CEP112: variants seen among roughly 807,000 people sequenced by gnomAD.
The protein encoded by CEP112 is centrosomal protein of 112 kDa.
A neutral mutation model predicts 153.0 loss-of-function variants in CEP112; 127 were observed. The ratio of observed to expected loss-of-function variants is 0.83; its 90% CI spans 0.72 to 0.96. The LOEUF (loss-of-function observed/expected upper bound fraction) is 0.96, where lower values mean the gene tolerates loss of function less well. Ranked by LOEUF, CEP112 falls within the 40% of genes least tolerant of loss-of-function variation. The pLI, the probability that CEP112 is intolerant of heterozygous loss-of-function variation, is 0.00. For synonymous variants in CEP112, 358 were observed against 374.4 expected, an observed-to-expected ratio of 0.96 and a Z score of 0.51; for missense variants, 1,089 against 1,101.2, an observed-to-expected ratio of 0.99 and a Z score of 0.16.
intron 8 of CEP112, among the ~76,000 whole-genome samples, chr17:66,073,927 C>CA (rs2067390289): frequency 6.6e-6 from 1 of 150,760 alleles, no homozygotes; most frequent in Non-Finnish European, 1.5e-5. Flanking sequence ...AAAGATGCAC[C>CA]AAAAAAATAA....
intron 18 of CEP112, among the ~76,000 whole-genome samples, chr17:65,960,918 G>A (rs1431756423): frequency 2.6e-5 from 4 of 151,596 alleles, no homozygotes; most frequent in African/African-American, 7.3e-5. Flanking sequence ...TATAAACCAC[G>A]TTAACAATTA....
chr17:66,145,121 T>A (rs1456595774), intron 4 of CEP112, among the ~76,000 whole-genome samples: 1 of 152,242 alleles, frequency 6.6e-6, no homozygotes, highest in Non-Finnish European at 1.5e-5. Flanking sequence ...CTGTGCTTTA[T>A]AATTTGCATT....
chr17:65,717,349 C>CACAAAA (rs1371388702), intron 23 of CEP112, among the ~76,000 whole-genome samples: 2 of 152,168 alleles, frequency 1.3e-5, no homozygotes, highest in Non-Finnish European at 2.9e-5. Context: ...ATCTCACAAA[C>CACAAAA]ACAAAAACAA....
At chr17:65,756,720 G>A (rs1005870317) in intron 21 of CEP112, among the ~76,000 whole-genome samples, 2 of 152,156 alleles carry the variant, frequency 1.3e-5, no homozygotes, top group Admixed American at 1.3e-4. Context: ...CCAAGAAGCG[G>A]GTGAATAGAG....
intron 11 of CEP112, among the ~76,000 whole-genome samples, chr17:66,054,255 A>C (rs1415529654): frequency 6.6e-6 from 1 of 152,176 alleles, no homozygotes; most frequent in Non-Finnish European, 1.5e-5. Flanking sequence ...ATATTGTCCC[A>C]TTGTCCCCAT....
intron 21 of CEP112, among the ~76,000 whole-genome samples, chr17:65,764,429 CTCTAATG>C (rs1297702836): frequency 4.6e-5 from 7 of 152,324 alleles, no homozygotes; most frequent in East Asian, 1.9e-4. Flanking sequence ...TATTTAGGTG[CTCTAATG>C]TCTAATGTCT....
chr17:65,837,232 A>G (rs374303558), intron 21 of CEP112, among the ~76,000 whole-genome samples: 5 of 149,032 alleles, frequency 3.4e-5, no homozygotes, highest in East Asian at 4.0e-4. Context: ...CACCCCGTCT[A>G]GGAAGTGAGG....
chr17:66,092,436 T>C (rs2068179849), intron 8 of CEP112, among the ~76,000 whole-genome samples: 1 of 151,096 alleles, frequency 6.6e-6, no homozygotes, highest in African/African-American at 2.4e-5. Context: ...GGCTTCACTG[T>C]TGAATTCTAC....
chr17:65,763,076 A>G (rs2052711754), intron 21 of CEP112, among the ~76,000 whole-genome samples: 1 of 152,054 alleles, frequency 6.6e-6, no homozygotes, highest in Non-Finnish European at 1.5e-5. Flanking sequence ...TTCGAGGTAC[A>G]GAATTCTAGA....
In CEP112 at chr17:65,980,446, T is replaced by C. The variant is rs180866253; in HGVS notation, c.1737-18848A>G. On this transcript the variant is annotated intron_variant, in intron 17 of 26. Coordinates refer to ENST00000535342, the MANE Select transcript of CEP112 (RefSeq NM_001199165.4). ...TATTGTTTATTATAATCTGACAAAA[T>C]CTTTCTTCCAGAAAATTAGGTCTGT... 5.3e-5 allele frequency among the ~76,000 whole-genome samples: 8 copies of C among 152,318 alleles called. No homozygotes were observed. In the East Asian group the frequency reaches 1.5e-3, roughly 29 times the overall value.
intron 17 of CEP112, among the ~76,000 whole-genome samples, chr17:65,992,480 A>G (rs2063629487): frequency 6.6e-6 from 1 of 152,190 alleles, no homozygotes; most frequent in Non-Finnish European, 1.5e-5. Flanking sequence ...AAGGCCTCCA[A>G]TAACTCCAAT....
intron 19 of CEP112, among the ~76,000 whole-genome samples, chr17:65,921,521 C>T (rs192044014): frequency 1.4e-3 from 216 of 152,234 alleles, no homozygotes; most frequent in African/African-American, 4.9e-3. Context: ...CTCCTGCCTT[C>T]ATCTTTCCTT....
At chr17:66,085,734 T>G (rs576288640) in intron 8 of CEP112, among the ~76,000 whole-genome samples, 1 of 152,148 alleles carries the variant, frequency 6.6e-6, no homozygotes, top group East Asian at 1.9e-4. Flanking sequence ...ATCCCAGCAC[T>G]TTGGGAGGCC....
At chr17:65,847,908 G>A (rs992994128) in intron 21 of CEP112, among the ~76,000 whole-genome samples, 1 of 152,160 alleles carries the variant, frequency 6.6e-6, no homozygotes, top group African/African-American at 2.4e-5. Flanking sequence ...GACAGCAGCT[G>A]CAAAGACCTG....
chr17:65,735,502 C>T (rs1426711749), intron 23 of CEP112, among the ~76,000 whole-genome samples: 5 of 152,138 alleles, frequency 3.3e-5, no homozygotes, highest in African/African-American at 1.2e-4. Flanking sequence ...GGTGTTAAGT[C>T]TCAATAAACC....
chr17:66,038,031 G>T (rs1411727297), intron 12 of CEP112, among the ~76,000 whole-genome samples: 1 of 147,596 alleles, frequency 6.8e-6, no homozygotes, highest in East Asian at 1.9e-4. Context: ...ACAACAGGGA[G>T]TCGGAGGTTG....
At chr17:66,082,543 A>G (rs1300620233) in intron 8 of CEP112, among the ~76,000 whole-genome samples, 1 of 152,184 alleles carries the variant, frequency 6.6e-6, no homozygotes, top group Non-Finnish European at 1.5e-5. Flanking sequence ...GCAGTGGATC[A>G]CTTTAGGTCA....
At chr17:66,157,705 C>CA (rs370026993) in intron 4 of CEP112, among the ~76,000 whole-genome samples, 36,714 of 93,658 alleles carry the variant, frequency 0.39, 6,623 homozygotes, top group Non-Finnish European at 0.48. Context: ...AAATGGAAAG[C>CA]AAAAAAAAAA....
chr17:65,776,680 C>T (rs2053698921), intron 21 of CEP112, among the ~76,000 whole-genome samples: 1 of 152,202 alleles, frequency 6.6e-6, no homozygotes, highest in African/African-American at 2.4e-5. Flanking sequence ...TATTTATCTG[C>T]ACATAAAAAT....
Sources: gnomAD v4.1 joint callset for allele counts (sites outside exome capture counted in the v4.1 genomes callset) on GRCh38, gnomAD v4.1.1 for gene constraint, MANE v1.5 for transcripts, NCBI Gene and HGNC (gene_info 2026-07-23, HGNC 2026-07-21) for gene names.